The following PPA1 variants were observed in gnomAD, a reference collection of about 807,000 sequenced individuals.
The protein encoded by PPA1 is inorganic pyrophosphatase 1.
Under a neutral mutation model 41.8 loss-of-function variants are expected in PPA1, and 23 were observed. The ratio of observed to expected loss-of-function variants is 0.55; its 90% confidence interval spans 0.40 to 0.78. The LOEUF is 0.78. PPA1 is among the 30% of genes least tolerant of loss of function. The pLI is 0.00. For missense variants in PPA1, 320 were observed against 361.6 expected (o/e 0.89, Z 0.93); for synonymous variants, 101 against 116.8 (o/e 0.86, Z 0.87).
At chr10:70,210,389 C>T (rs753216923) in intron 6 of PPA1, 10 of 1,365,216 alleles carry the variant, frequency 7.3e-6, no homozygotes, top group Middle Eastern at 2.1e-4. Flanking sequence ...GAGGCAGAGG[C>T]TATGTCAGAG....
chr10:70,227,408 T>C (rs1384377939), intron 2 of PPA1, among the ~76,000 whole-genome samples: 2 of 152,196 alleles, frequency 1.3e-5, no homozygotes, highest in Non-Finnish European at 2.9e-5. Context: ...CCAGCACTTC[T>C]GGAGGCTGAG....
rs1489982298 is a variant in PPA1 at position 70,220,799 on chromosome 10, AATATATATAATTTTTATATATATT to A, written c.124-2006_124-1983del. Reference sequence around the variant, plus strand: ...TAATATATATAATTTATATATATATAATATATATAATTTTTATATATATTATATATATAATTTTTATATATATTA... The same window carrying A: ...TAATATATATAATTTATATATATATAATATATATAATTTTTATATATATTA... On this transcript the variant is annotated intron_variant, in intron 2 of 10. Coordinates refer to ENST00000373232, the MANE Select transcript of PPA1 (RefSeq NM_021129.4). Among the ~76,000 whole-genome samples, 8 of 1,834 alleles carry A rather than the reference AATATATATAATTTTTATATATATT, an allele frequency of 4.4e-3. 1 individual carries two copies. Among genetic ancestry groups the A allele is most frequent in the African/African-American group, 0.012 (6 of 498 alleles). The allele number at this position is 1,834 out of a possible 152,430, so 1.2% of individuals were successfully genotyped here.
At chr10:70,220,925 TTATATATA>T (rs1840148877) in intron 2 of PPA1, among the ~76,000 whole-genome samples, 1 of 5,082 alleles carries the variant, frequency 2.0e-4, no homozygotes, top group African/African-American at 9.0e-4. Context: ...TATATAATTT[TTATATATA>T]CTATATATAT....
At chr10:70,230,726 C>G (rs1840280883) in intron 1 of PPA1, among the ~76,000 whole-genome samples, 1 of 152,182 alleles carries the variant, frequency 6.6e-6, no homozygotes, top group Non-Finnish European at 1.5e-5. Flanking sequence ...ACCTCAGCCT[C>G]CCAAAGGGCT....
rs1299272083 is a variant in PPA1, at chr10:70,220,559, TAATTA to T, written c.124-1747_124-1743del. ...ATAATTTTTATGTATAATATATATA[TAATTA>T]TATATATAATATATATAATTATATA... is the stretch of plus-strand genomic sequence containing the variant. On this transcript the variant is annotated intron_variant, in intron 2 of 10. Coordinates refer to ENST00000373232, the MANE Select transcript of PPA1 (RefSeq NM_021129.4). Among the ~76,000 whole-genome samples the T allele has an allele frequency of 7.3e-5, 4 of 55,130 alleles. 2 individuals are homozygous for T. Among genetic ancestry groups the T allele is most frequent in the African/African-American group, 3.0e-4 (4 of 13,470 alleles). 36.2% of individuals were successfully genotyped at this position (55,130 alleles called of 152,430 possible).
At chr10:70,206,235 G>GT (rs562005919) in intron 9 of PPA1, 29 bp downstream of exon 9, 50,216 of 1,096,978 alleles carry the variant, frequency 0.046, no homozygotes, top group Non-Finnish European at 0.05. Flanking sequence ...AACCAGGCTT[G>GT]TTTTTTTTTT....
chr10:70,209,615 C>G lies in PPA1; in HGVS notation c.582G>C (p.Lys194Asn), dbSNP rs578078575. ...EATVDWFRRY[K>N]VPDGKPENEF... ...CATTTTCTGGTTTTCCATCAGGAAC[C>G]TTATACCTTCTAAACCAGTCCACAG... The change falls in exon 7 of 11, where the codon AAG (lysine) becomes AAC (asparagine). Residue 194 changes from lysine to asparagine, a missense_variant. Physicochemically the swap from Lys to Asn is moderately conservative, Grantham distance 94. Coordinates refer to ENST00000373232, the MANE Select transcript of PPA1 (RefSeq NM_021129.4). 1 of 1,607,986 alleles carries G rather than the reference C, an allele frequency of 6.2e-7. No individual in the cohort carries two copies. Among genetic ancestry groups the G allele is most frequent in the Non-Finnish European group, 8.5e-7 (1 of 1,177,804 alleles).
intron 2 of PPA1, among the ~76,000 whole-genome samples, chr10:70,221,013 TA>T (rs1342343811): frequency 1.4e-5 from 1 of 72,258 alleles, no homozygotes; most frequent in Non-Finnish European, 2.3e-5. Context: ...AACATATATA[TA>T]ATTTATATAT....
intron 6 of PPA1, among the ~76,000 whole-genome samples, chr10:70,212,746 T>A (rs1840034807): frequency 6.6e-6 from 1 of 151,954 alleles, no homozygotes; most frequent in Admixed American, 6.6e-5. Flanking sequence ...CTGCACAACC[T>A]TGTGAATGAA....
At chr10:70,220,559 T>A (rs201023354) in intron 2 of PPA1, among the ~76,000 whole-genome samples, 1 of 55,130 alleles carries the variant, frequency 1.8e-5, no homozygotes, top group Non-Finnish European at 3.2e-5. Context: ...AATATATATA[T>A]AATTATATAT....
At chr10:70,229,123 T>C (rs1840261157) in intron 2 of PPA1, among the ~76,000 whole-genome samples, 1 of 152,218 alleles carries the variant, frequency 6.6e-6, no homozygotes, top group African/African-American at 2.4e-5. Flanking sequence ...TACAAACTGC[T>C]TCCATTGGAA....
At chr10:70,205,086 A>G (rs192672228) in intron 9 of PPA1, 171 bp from the exon 10 acceptor site, 174 of 558,592 alleles carry the variant, frequency 3.1e-4, no homozygotes, top group Admixed American at 4.9e-4. Flanking sequence ...CTGAGATGCT[A>G]ACAAATTCAA....
In PPA1 at chr10:70,209,320, G is replaced by T. The variant is rs1254340338; in HGVS notation, c.640-30C>A. The T allele has an allele frequency of 7.4e-6, 11 of 1,493,416 alleles. No homozygotes were observed. The Admixed American group carries it at 1.6e-4, about 22-fold the overall frequency. 92.5% of individuals were successfully genotyped at this position (1,493,416 alleles called of 1,614,324 possible). A position where few individuals can be genotyped will look rare whatever the true frequency, so the allele number is the denominator to read the frequency against. On this transcript the variant is annotated intron_variant, in intron 7 of 10. Coordinates refer to ENST00000373232, the MANE Select transcript of PPA1 (RefSeq NM_021129.4). ...AATTTGAAGAGGTTTGCATTACAAT[G>T]ATAAAAAGGTATTATTTTCCTATTA...
At chr10:70,232,382 T>TG (rs1419529287) in intron 1 of PPA1, among the ~76,000 whole-genome samples, 2 of 151,760 alleles carry the variant, frequency 1.3e-5, no homozygotes, top group African/African-American at 2.4e-5. Flanking sequence ...TAGCTGGGGG[T>TG]GGGGGGAGTA....
intron 1 of PPA1, among the ~76,000 whole-genome samples, chr10:70,230,746 G>C (rs1193569297): frequency 6.6e-6 from 1 of 152,204 alleles, no homozygotes; most frequent in African/African-American, 2.4e-5. Flanking sequence ...TGGAATTACA[G>C]GGGTGAGCCA....
chr10:70,228,800 G>A (rs1840258674), intron 2 of PPA1, among the ~76,000 whole-genome samples: 1 of 152,184 alleles, frequency 6.6e-6, no homozygotes, highest in Non-Finnish European at 1.5e-5. Flanking sequence ...GGAATTTCAG[G>A]CAGTACAGAA....
intron 1 of PPA1, among the ~76,000 whole-genome samples, chr10:70,231,889 G>GTGTT (rs1393117682): frequency 6.6e-6 from 1 of 152,170 alleles, no homozygotes; most frequent in Non-Finnish European, 1.5e-5. Flanking sequence ...TAAAAGCAGT[G>GTGTT]TGTTTGTTCT....
chr10:70,206,190 A>G, intron 9 of PPA1, 74 bp downstream of exon 9: 1 of 1,148,626 alleles, frequency 8.7e-7, no homozygotes, highest in Non-Finnish European at 1.3e-6. Context: ...CGAAACAAGT[A>G]CTTCCTCTCC....
intron 1 of PPA1, among the ~76,000 whole-genome samples, chr10:70,232,608 G>A (rs1428011436): frequency 6.6e-6 from 1 of 151,276 alleles, no homozygotes; most frequent in African/African-American, 2.5e-5. Context: ...GACGTCATCT[G>A]TTTGATTTGA....
Sources: gnomAD v4.1 joint callset for allele counts (sites outside exome capture counted in the v4.1 genomes callset) on GRCh38, gnomAD v4.1.1 for gene constraint, MANE v1.5 for transcripts, NCBI Gene and HGNC (gene_info 2026-07-23, HGNC 2026-07-21) for gene names.